Variants in TMEM176B observed in about 807,000 individuals in gnomAD.
TMEM176B encodes transmembrane protein 176B, also known as LR8-like protein.
Under a neutral mutation model 30.3 loss-of-function variants are expected in TMEM176B, and 28 were observed. The ratio of observed to expected loss-of-function variants is 0.92; its 90% CI spans 0.68 to 1.27. TMEM176B has a LOEUF of 1.27. TMEM176B is among the 50% of genes most tolerant of loss of function. TMEM176B has a pLI of 0.00. For synonymous variants in TMEM176B, 123 were observed against 130.3 expected (o/e 0.94, Z 0.38); for missense variants, 349 against 327.4 (o/e 1.07, Z -0.51).
At chr7:150,798,151 A>T (rs1798597317) in intron 1 of TMEM176B, among the ~76,000 whole-genome samples, 1 of 152,202 alleles carries the variant, frequency 6.6e-6, no homozygotes, top group Non-Finnish European at 1.5e-5. Flanking sequence ...ACACAGCAAT[A>T]CATTCCCTAA....
intron 6 of TMEM176B, 139 bp from the exon 7 acceptor site, chr7:150,791,762 A>C (rs1391955144): frequency 3.4e-6 from 3 of 885,478 alleles, no homozygotes; most frequent in African/African-American, 3.5e-5. Context: ...CAAAAAAAAA[A>C]CAAGGTGGCA....
At chr7:150,794,943 ACACACC>A (rs1189090521) in intron 2 of TMEM176B, among the ~76,000 whole-genome samples, 23 of 104,386 alleles carry the variant, frequency 2.2e-4, no homozygotes, top group Non-Finnish European at 4.1e-4. Context: ...ACACACACAC[ACACACC>A]TCTCGAATGG....
In TMEM176B at chr7:150,791,616, T is replaced by C. The variant is rs1798310216; in HGVS notation, c.728A>G (p.Glu243Gly). 1.9e-6 allele frequency: 3 copies of C among 1,613,182 alleles called. No individual in the cohort carries two copies. The highest frequency in any genetic ancestry group is 2.5e-6 in the Non-Finnish European group (3 of 1,179,756). ...CCCCAGTAGCCTCTTCTCTGATCCT[T>C]CCTCATTCTGGAAAAAAAAGAAAAA... The part of the protein sequence containing the change: ...CGQSSQPLNE[E>G]GSEKRLLGEN... The change falls in exon 7 of 7, where the codon GAA becomes GGA. Residue 243 changes from glutamate (E) to glycine (G), a missense_variant. Coordinates refer to ENST00000326442, the MANE Select transcript of TMEM176B (RefSeq NM_001101312.2).
intron 3 of TMEM176B, 30 bp from the exon 4 acceptor site, chr7:150,793,630 A>G (rs1798405396): frequency 7.5e-6 from 12 of 1,609,774 alleles, no homozygotes; most frequent in African/African-American, 1.3e-5. Context: ...AAAGGCCTCC[A>G]GTTTACTCTT....
intron 1 of TMEM176B, among the ~76,000 whole-genome samples, chr7:150,797,429 AG>A (rs1445378814): frequency 1.3e-5 from 2 of 152,218 alleles, no homozygotes; most frequent in African/African-American, 4.8e-5. Flanking sequence ...TGCTTACCAT[AG>A]TAAATCATGT....
chr7:150,799,850 C>G lies in TMEM176B; in HGVS notation c.-6+448G>C, dbSNP rs184733297. On this transcript the variant is annotated intron_variant, in intron 1 of 6. Transcript: ENST00000326442. ...CCCGCCTGAAGAGTCGGATCTGAAC[C>G]AGGCCGGCACCACGGAGATTCCCCT... Among the ~76,000 whole-genome samples, 941 of 152,358 alleles carry G rather than the reference C, an allele frequency of 6.2e-3. 42 individuals carry two copies. The highest frequency in any genetic ancestry group is 0.053 in the Admixed American group (818 of 15,314).
At chr7:150,794,319 C>T (rs1798435379) in intron 2 of TMEM176B, among the ~76,000 whole-genome samples, 1 of 151,990 alleles carries the variant, frequency 6.6e-6, no homozygotes, top group Admixed American at 6.6e-5. Context: ...CCAACTTCAA[C>T]ACTTTCTCAT....
intron 6 of TMEM176B, 77 bp downstream of exon 6, chr7:150,791,979 G>C: frequency 1.9e-6 from 3 of 1,593,972 alleles, no homozygotes; most frequent in Non-Finnish European, 2.6e-6. Flanking sequence ...GGGTGCCCCT[G>C]GCCCCGCACT....
At chr7:150,798,812 T>TGTTTC (rs892194824) in intron 1 of TMEM176B, among the ~76,000 whole-genome samples, 1 of 152,170 alleles carries the variant, frequency 6.6e-6, no homozygotes, top group Non-Finnish European at 1.5e-5. Context: ...CCTATGTCCT[T>TGTTTC]GTTTCGTTTT....
Position 150,791,576 on chromosome 7 carries a change from G to A in TMEM176B, c.768C>T (p.Pro256=). Residue 256 remains proline, a synonymous_variant, in exon 7 of 7, where the codon CCC becomes CCT. Coordinates refer to ENST00000326442, the MANE Select transcript of TMEM176B (RefSeq NM_001101312.2). ...AGGTCTGCTCCCTAGAGGGCGAAGG[G>A]GGCACTGAATTCTCCCCCAGTAGCC... ...EKRLLGENSV[P]PSPSREQTST... 2 of 1,614,004 alleles carry A rather than the reference G, an allele frequency of 1.2e-6. No homozygotes were observed. Among genetic ancestry groups the A allele is most frequent in the Non-Finnish European group, 1.7e-6 (2 of 1,179,980 alleles).
At position 150,791,336 on chromosome 7, in the gene TMEM176B, T is replaced by G; in HGVS notation, c.*195A>C. The G allele has an allele frequency of 1.9e-6, 1 of 523,852 alleles. No individual in the cohort carries two copies. Among genetic ancestry groups the G allele is most frequent in the Non-Finnish European group, 3.4e-6 (1 of 293,956 alleles). The allele number at this position is 523,852 out of a possible 1,614,324, so 32.5% of individuals were successfully genotyped here. A position where few individuals can be genotyped will look rare whatever the true frequency, so the allele number is the denominator to read the frequency against. On this transcript the variant is annotated 3_prime_UTR_variant, in exon 7 of 7. Coordinates refer to ENST00000326442, the MANE Select transcript of TMEM176B (RefSeq NM_001101312.2). ...GATTGTTTATTATGTTTAATCAGCA[T>G]TGTGGAAAATGCAACAATATCTGTT...
intron 1 of TMEM176B, among the ~76,000 whole-genome samples, chr7:150,798,531 TCC>T (rs1798617219): frequency 6.6e-6 from 1 of 152,176 alleles, no homozygotes; most frequent in African/African-American, 2.4e-5. Context: ...CGCCTCGGCC[TCC>T]CAAAGTGCTG....
At chr7:150,796,276 C>A (rs1388268671) in intron 2 of TMEM176B, 90 bp downstream of exon 2, 1 of 1,303,244 alleles carries the variant, frequency 7.7e-7, no homozygotes, top group East Asian at 2.3e-5. Context: ...CCAAATAAAA[C>A]GTTTTAATTT....
chr7:150,801,259 C>T, upstream of TMEM176B: 1 of 308,612 alleles, frequency 3.2e-6, no homozygotes, highest in Middle Eastern at 8.9e-4. Context: ...TTGACCCAGA[C>T]GCCAGGGCCC....
intron 1 of TMEM176B, among the ~76,000 whole-genome samples, chr7:150,797,273 G>C (rs1798566832): frequency 6.6e-6 from 1 of 152,164 alleles, no homozygotes; most frequent in African/African-American, 2.4e-5. Context: ...TATACACACT[G>C]ATTTGCATGA....
At chr7:150,798,168 T>G (rs1798598295) in intron 1 of TMEM176B, among the ~76,000 whole-genome samples, 1 of 152,152 alleles carries the variant, frequency 6.6e-6, no homozygotes, top group Non-Finnish European at 1.5e-5. Flanking sequence ...CTAAAGCCCC[T>G]CCCCAGAAAA....
chr7:150,797,252 T>C (rs1477270457), intron 1 of TMEM176B, among the ~76,000 whole-genome samples: 3 of 152,174 alleles, frequency 2.0e-5, no homozygotes, highest in African/African-American at 7.2e-5. Context: ...TTCCCACAAA[T>C]AGCAGCATAC....
chr7:150,796,475 G>C lies in TMEM176B; in HGVS notation c.95C>G (p.Ala32Gly). 1 of 1,614,216 alleles carries C rather than the reference G, an allele frequency of 6.2e-7. No individual in the cohort carries two copies. The highest frequency in any genetic ancestry group is 8.5e-7 in the Non-Finnish European group (1 of 1,180,046). ...TCCAGCTTTCAGCAGTTGTGTCAAA[G>C]CTGACTCCTGGTGGATGTGGACGTT... is the stretch of plus-strand genomic sequence containing the variant. ...HVNVHIHQESALTQLLKAGGS... is the reference protein window; with the variant it reads ...HVNVHIHQESGLTQLLKAGGS... Residue 32 changes from alanine to glycine, a missense_variant, in exon 2 of 7, where the codon GCT (alanine) becomes GGT (glycine). Coordinates refer to ENST00000326442, the MANE Select transcript of TMEM176B (RefSeq NM_001101312.2).
At position 150,796,434 on chromosome 7, in the gene TMEM176B, A is replaced by T. The variant is rs538365703; in HGVS notation, c.136T>A (p.Phe46Ile). The change falls in exon 2 of 7, where the codon TTT (phenylalanine) becomes ATT (isoleucine). Residue 46 changes from phenylalanine to isoleucine, a missense_variant. Physicochemically the swap from Phe to Ile is conservative, Grantham distance 21. Transcript: ENST00000326442. ...LLKAGGSLKK[F>I]LFHPGDTVPS... The stretch of plus-strand genomic sequence containing the variant: ...ACAGTGTCCCCAGGGTGAAAAAGAA[A>T]CTTCTTCAGAGAACCTCCAGCTTTC... 1 of 1,614,192 alleles carries T rather than the reference A, an allele frequency of 6.2e-7. No homozygotes were observed. The highest frequency in any genetic ancestry group is 8.5e-7 in the Non-Finnish European group (1 of 1,180,040).
Sources: gnomAD v4.1 joint callset for allele counts (sites outside exome capture counted in the v4.1 genomes callset) on GRCh38, gnomAD v4.1.1 for gene constraint, MANE v1.5 for transcripts, NCBI Gene and HGNC (gene_info 2026-07-23, HGNC 2026-07-21) for gene names.